TRAPPC8: variants seen among roughly 807,000 people sequenced by gnomAD.
TRAPPC8 encodes the protein trafficking protein particle complex subunit 8.
A neutral mutation model predicts 174.3 loss-of-function variants in TRAPPC8; 54 were observed. That is an observed-to-expected ratio of 0.31 (90% CI 0.25 to 0.39). TRAPPC8 has a LOEUF of 0.39. Among genes scored for constraint, TRAPPC8 ranks in the 10% least tolerant of loss-of-function variants. The pLI, the probability that TRAPPC8 is intolerant of heterozygous loss-of-function variation, is 1.00. For synonymous variants in TRAPPC8, 630 were observed against 579.9 expected (o/e 1.09, Z -1.24); for missense variants, 1,531 against 1,699.1 (o/e 0.90, Z 1.74).
intron 11 of TRAPPC8, 149 bp downstream of exon 11, chr18:31,897,637 A>G: frequency 2.0e-6 from 1 of 487,980 alleles, no homozygotes; most frequent in East Asian, 3.4e-5. Context: ...TAACTCAACA[A>G]AAAACTAAAA....
At chr18:31,905,535 A>C (rs1052244252) in intron 9 of TRAPPC8, among the ~76,000 whole-genome samples, 2 of 152,106 alleles carry the variant, frequency 1.3e-5, no homozygotes, top group African/African-American at 4.8e-5. Context: ...TCTCTATAAA[A>C]AAATTATTTT....
intron 5 of TRAPPC8, among the ~76,000 whole-genome samples, chr18:31,912,793 C>T (rs1310609224): frequency 6.6e-6 from 1 of 152,206 alleles, no homozygotes; most frequent in Admixed American, 6.5e-5. Context: ...TCTAGCCTAT[C>T]TAACTCAATT....
chr18:31,839,898 CTG>C (rs1276906488), intron 26 of TRAPPC8, among the ~76,000 whole-genome samples: 5 of 152,258 alleles, frequency 3.3e-5, no homozygotes, highest in East Asian at 1.9e-4. Flanking sequence ...AAATCTAAAA[CTG>C]TTTAATATTT....
In TRAPPC8 at chr18:31,867,277, A is replaced by G. The variant is rs138505405; in HGVS notation, c.2463+125T>C. 6 of 784,600 alleles carry G rather than the reference A, an allele frequency of 7.6e-6. No homozygotes were observed. In the Admixed American group the frequency reaches 1.1e-4, roughly 15 times the overall value. 48.6% of individuals were successfully genotyped at this position (784,600 alleles called of 1,614,324 possible). A position where few individuals can be genotyped will look rare whatever the true frequency, so the allele number is the denominator to read the frequency against. ...TCCTCCTGAGCAATTCCTATGTCCT[A>G]ATCTTCCAAATTTTAGTTCTTAAGA... On this transcript the variant is annotated intron_variant, in intron 17 of 28. Transcript: ENST00000283351.
chr18:31,925,251 G>A (rs1427467047), intron 2 of TRAPPC8, among the ~76,000 whole-genome samples: 2 of 146,238 alleles, frequency 1.4e-5, no homozygotes, highest in African/African-American at 5.1e-5. Flanking sequence ...AAAAAAAAAG[G>A]CACAGGATAG....
intron 9 of TRAPPC8, among the ~76,000 whole-genome samples, chr18:31,906,510 GTATC>G (rs1376605192): frequency 1.3e-5 from 2 of 151,304 alleles, no homozygotes; most frequent in African/African-American, 4.9e-5. Flanking sequence ...CTAAAAAAAA[GTATC>G]TACACAATTA....
In TRAPPC8 at chr18:31,928,055, C is replaced by T. The variant is rs555428300; in HGVS notation, c.352+3274G>A. On this transcript the variant is annotated intron_variant, in intron 2 of 28. Coordinates refer to ENST00000283351, the MANE Select transcript of TRAPPC8 (RefSeq NM_014939.5). ...CCTGTAGTCCCAGAAACTCAGGAGG[C>T]TGGGGCAGAAGAATCGTGTGAACCC... is the stretch of plus-strand genomic sequence containing the variant. 2.0e-5 allele frequency among the ~76,000 whole-genome samples: 3 copies of T among 147,920 alleles called. No individual in the cohort carries two copies. The South Asian group carries it at 7.2e-4, about 35-fold the overall frequency.
At chr18:31,864,400 T>C (rs896575058) in intron 19 of TRAPPC8, among the ~76,000 whole-genome samples, 1 of 152,120 alleles carries the variant, frequency 6.6e-6, no homozygotes, top group Non-Finnish European at 1.5e-5. Context: ...TTTTTCCCAA[T>C]TTCCATTAAT....
chr18:31,892,488 A>C (rs1490062638), intron 11 of TRAPPC8, among the ~76,000 whole-genome samples: 2 of 152,202 alleles, frequency 1.3e-5, no homozygotes, highest in East Asian at 1.9e-4. Context: ...TTGTTACTAC[A>C]TAAAATGATT....
At position 31,878,517 on chromosome 18, in the gene TRAPPC8, G is replaced by A. The variant is rs117025953; in HGVS notation, c.1729-3813C>T. Among the ~76,000 whole-genome samples, 152 of 152,148 alleles carry A rather than the reference G, an allele frequency of 1.0e-3. 2 individuals are homozygous for A. In the East Asian group the frequency reaches 0.022, roughly 22 times the overall value. Reference sequence around the variant, plus strand: ...AAATGCTCAAAGGAGTTCTAAACACGGAAACAAAAGGATGATACCTGCTAA... The same window carrying A: ...AAATGCTCAAAGGAGTTCTAAACACAGAAACAAAAGGATGATACCTGCTAA... On this transcript the variant is annotated intron_variant, in intron 12 of 28. Coordinates refer to ENST00000283351, the MANE Select transcript of TRAPPC8 (RefSeq NM_014939.5).
At chr18:31,900,212 C>G (rs1026010916) in intron 10 of TRAPPC8, among the ~76,000 whole-genome samples, 2 of 152,034 alleles carry the variant, frequency 1.3e-5, no homozygotes, top group Admixed American at 6.6e-5. Flanking sequence ...CCCGCCTGGA[C>G]GACAGAGCAA....
rs112047084 is a variant in TRAPPC8 at position 31,880,551 on chromosome 18, G to T, written c.1729-5847C>A. Among the ~76,000 whole-genome samples the T allele has an allele frequency of 2.6e-3, 402 of 152,066 alleles. 2 individuals carry two copies. Among genetic ancestry groups the T allele is most frequent in the African/African-American group, 8.8e-3 (366 of 41,490 alleles). On this transcript the variant is annotated intron_variant, in intron 12 of 28. Transcript: ENST00000283351. Reference sequence around the variant, plus strand: ...CTCACAGCCAAAATCATATTGAATGGGGAAAAGTTGAAAGCATTCCCCCTA... The same window carrying T: ...CTCACAGCCAAAATCATATTGAATGTGGAAAAGTTGAAAGCATTCCCCCTA...
At chr18:31,927,487 C>T (rs1367213347) in intron 2 of TRAPPC8, among the ~76,000 whole-genome samples, 1 of 152,050 alleles carries the variant, frequency 6.6e-6, no homozygotes, top group Non-Finnish European at 1.5e-5. Context: ...GAATTCCTGA[C>T]CTCAAGTGAT....
intron 26 of TRAPPC8, among the ~76,000 whole-genome samples, chr18:31,842,923 G>C (rs757534570): frequency 3.9e-5 from 6 of 152,066 alleles, no homozygotes; most frequent in Non-Finnish European, 4.4e-5. Context: ...GACTAGGAAT[G>C]CTCTTTCAAA....
chr18:31,905,281 G>C (rs1296553647), intron 9 of TRAPPC8, among the ~76,000 whole-genome samples: 1 of 152,110 alleles, frequency 6.6e-6, no homozygotes, highest in Non-Finnish European at 1.5e-5. Flanking sequence ...ATCAAAAATA[G>C]CAGTATTATA....
chr18:31,871,066 G>A lies in TRAPPC8; in HGVS notation c.2117C>T (p.Ser706Phe). The change falls in exon 15 of 29, where the codon TCC becomes TTC. Residue 706 changes from serine (S) to phenylalanine (F), a missense_variant. Physicochemically the swap from Ser to Phe is radical, Grantham distance 155. Coordinates refer to ENST00000283351, the MANE Select transcript of TRAPPC8 (RefSeq NM_014939.5). The part of the protein sequence containing the change: ...VSLDQEYDSE[S>F]SQQWRELEEQ... ...CTCAAGTTCTCGCCACTGCTGAGAGGATTCAGAATCATATTCTTGATCAAG... is the reference window on the plus strand; with the variant it reads ...CTCAAGTTCTCGCCACTGCTGAGAGAATTCAGAATCATATTCTTGATCAAG... The A allele has an allele frequency of 1.2e-6, 2 of 1,605,154 alleles. No homozygotes were observed. The highest frequency in any genetic ancestry group is 1.7e-6 in the Non-Finnish European group (2 of 1,174,798).
chr18:31,832,979 TATC>T (rs1388084615), intron 27 of TRAPPC8, among the ~76,000 whole-genome samples: 3 of 150,652 alleles, frequency 2.0e-5, no homozygotes, highest in Non-Finnish European at 4.4e-5. Flanking sequence ...AGAAACTTTA[TATC>T]TTCTTACTGA....
intron 10 of TRAPPC8, among the ~76,000 whole-genome samples, chr18:31,899,779 TA>T (rs1375684995): frequency 6.6e-6 from 1 of 151,792 alleles, no homozygotes; most frequent in Non-Finnish European, 1.5e-5. Flanking sequence ...ACACCTTCTC[TA>T]CTAAAAATAC....
intron 9 of TRAPPC8, among the ~76,000 whole-genome samples, chr18:31,901,790 T>C (rs2036438520): frequency 6.6e-6 from 1 of 152,246 alleles, no homozygotes; most frequent in Non-Finnish European, 1.5e-5. Flanking sequence ...AGCAGACATT[T>C]GGATTTGTCC....
Sources: gnomAD v4.1 joint callset for allele counts (sites outside exome capture counted in the v4.1 genomes callset) on GRCh38, gnomAD v4.1.1 for gene constraint, MANE v1.5 for transcripts, NCBI Gene and HGNC (gene_info 2026-07-23, HGNC 2026-07-21) for gene names.